THSD7A: variants seen among roughly 807,000 people sequenced by gnomAD.
THSD7A encodes thrombospondin type 1 domain containing 7A, also known as thrombospondin type-1 domain-containing protein 7A.
Under a neutral mutation model 231.3 loss-of-function variants are expected in THSD7A, and 96 were observed. That is an observed-to-expected ratio of 0.41 (90% CI 0.35 to 0.49). The LOEUF is 0.49. Among genes scored for constraint, THSD7A ranks in the 20% least tolerant of loss-of-function variants. THSD7A has a pLI of 0.05. For synonymous variants in THSD7A, 940 were observed against 743.3 expected (o/e 1.26, Z -4.30); for missense variants, 2,290 against 2,070.2 (o/e 1.11, Z -2.06).
intron 6 of THSD7A, among the ~76,000 whole-genome samples, chr7:11,489,298 G>C (rs564143248): frequency 1.3e-5 from 2 of 152,242 alleles, no homozygotes; most frequent in South Asian, 4.1e-4. Flanking sequence ...ACCTAACCAA[G>C]AAGGCCTTGA....
chr7:11,798,528 T>C (rs951388718), intron 1 of THSD7A, among the ~76,000 whole-genome samples: 1 of 150,962 alleles, frequency 6.6e-6, no homozygotes, highest in Non-Finnish European at 1.5e-5. Context: ...AATATGCAAA[T>C]AAAAATTGTA....
chr7:11,459,665 ATTTTTTT>A (rs34415355), intron 11 of THSD7A, among the ~76,000 whole-genome samples: 8 of 39,918 alleles, frequency 2.0e-4, no homozygotes, highest in Admixed American at 4.3e-4. Context: ...AAAACAGGGG[ATTTTTTT>A]TTTTTTTTTT....
chr7:11,451,182 A>G (rs1736219082), intron 11 of THSD7A, among the ~76,000 whole-genome samples: 2 of 152,026 alleles, frequency 1.3e-5, no homozygotes, highest in Admixed American at 6.6e-5. Flanking sequence ...AAAGGGAGCT[A>G]TAACTGTTGT....
intron 6 of THSD7A, among the ~76,000 whole-genome samples, chr7:11,502,194 T>G (rs1022476472): frequency 6.6e-6 from 1 of 152,124 alleles, no homozygotes; most frequent in African/African-American, 2.4e-5. Flanking sequence ...GATTCATAGG[T>G]GAATTCTACC....
intron 1 of THSD7A, among the ~76,000 whole-genome samples, chr7:11,733,273 A>T (rs2883590): frequency 0.73 from 110,853 of 151,620 alleles, 40,602 homozygotes; most frequent in South Asian, 0.79. Context: ...TATGTCAGTA[A>T]CAGCCCTGTT....
Position 11,370,896 on chromosome 7 carries a change from A to G in THSD7A, c.*4898T>C, listed in dbSNP as rs1782026822. 6.6e-6 allele frequency: 1 copy of G among 152,200 alleles called. No individual in the cohort carries two copies. Among genetic ancestry groups the G allele is most frequent in the Non-Finnish European group, 1.5e-5 (1 of 68,018 alleles). 9.4% of individuals were successfully genotyped at this position (152,200 alleles called of 1,614,324 possible). On this transcript the variant is annotated 3_prime_UTR_variant, in exon 28 of 28. Coordinates refer to ENST00000423059, the MANE Select transcript of THSD7A (RefSeq NM_015204.3). ...AAAGGAATCTAAATGTTTACTTTCT[A>G]AAAATAAACACAAACAGATTTCTGA... is the stretch of plus-strand genomic sequence containing the variant.
rs1176815793 is a variant in THSD7A at position 11,373,168 on chromosome 7, CTAATT to C, written c.*2621_*2625del. Reference sequence around the variant, plus strand: ...CATAACATTCTATAATTTTGATTTGCTAATTTAATTCTTATAGGTAGGATGATACT... The same window carrying C: ...CATAACATTCTATAATTTTGATTTGCTAATTCTTATAGGTAGGATGATACT... On this transcript the variant is annotated 3_prime_UTR_variant, in exon 28 of 28. Transcript: ENST00000423059. 2.6e-5 allele frequency: 4 copies of C among 151,636 alleles called. No homozygotes were observed. Among genetic ancestry groups the C allele is most frequent in the African/African-American group, 9.7e-5 (4 of 41,372 alleles). The allele number at this position is 151,636 out of a possible 1,614,324, so 9.4% of individuals were successfully genotyped here.
chr7:11,618,573 G>A (rs1781196109), intron 2 of THSD7A, among the ~76,000 whole-genome samples: 1 of 151,966 alleles, frequency 6.6e-6, no homozygotes, highest in Admixed American at 6.6e-5. Flanking sequence ...AGGCCGAGGC[G>A]GGCGGATCAC....
chr7:11,727,556 A>C (rs140524171), intron 1 of THSD7A, among the ~76,000 whole-genome samples: 95 of 152,110 alleles, frequency 6.2e-4, no homozygotes, highest in African/African-American at 2.0e-3. Context: ...CCAAAATGTT[A>C]AAATAATTGA....
At position 11,634,185 on chromosome 7, in the gene THSD7A, TA is replaced by T. The variant is rs1781753242; in HGVS notation, c.1022+1944del. Among the ~76,000 whole-genome samples, 1 of 152,172 alleles carries T rather than the reference TA, an allele frequency of 6.6e-6. No homozygotes were observed. The highest frequency in any genetic ancestry group is 2.4e-5 in the African/African-American group (1 of 41,438). On this transcript the variant is annotated intron_variant, in intron 2 of 27. Transcript: ENST00000423059. The surrounding 1 kb of genome is among the most constrained non-coding windows in gnomAD (Gnocchi z 4.1). ...ACATAAAGTTTAACCTATACTGTAA[TA>T]AGTCAGAAAATATATGCAACTATCA...
chr7:11,737,433 G>A (rs1000510194), intron 1 of THSD7A, among the ~76,000 whole-genome samples: 4 of 151,964 alleles, frequency 2.6e-5, no homozygotes, highest in Admixed American at 2.0e-4. Flanking sequence ...AGAAGACAGA[G>A]GACTATGCAA....
rs138823416 is a variant in THSD7A at position 11,724,463 on chromosome 7, A to T, written c.191-87502T>A. ...TGTACTGATTTTATTGCTTATAATC[A>T]GTCATACAGAATGTTACTGTGGATC... On this transcript the variant is annotated intron_variant, in intron 1 of 27. Coordinates refer to ENST00000423059, the MANE Select transcript of THSD7A (RefSeq NM_015204.3). 3.3e-5 allele frequency among the ~76,000 whole-genome samples: 5 copies of T among 152,042 alleles called. No individual in the cohort carries two copies. In the East Asian group the frequency reaches 9.8e-4, roughly 30 times the overall value.
intron 4 of THSD7A, among the ~76,000 whole-genome samples, chr7:11,573,948 T>G (rs1379003032): frequency 6.6e-6 from 1 of 152,222 alleles, no homozygotes; most frequent in African/African-American, 2.4e-5. Flanking sequence ...TTCAAGATCA[T>G]GGAGCTCCTA....
At chr7:11,669,498 C>T (rs1783287610) in intron 1 of THSD7A, among the ~76,000 whole-genome samples, 1 of 151,736 alleles carries the variant, frequency 6.6e-6, no homozygotes, top group African/African-American at 2.4e-5. Flanking sequence ...TTTAAGAGTG[C>T]ATAAAGTGTG....
chr7:11,663,738 G>A (rs1343432714), intron 1 of THSD7A, among the ~76,000 whole-genome samples: 2 of 151,508 alleles, frequency 1.3e-5, no homozygotes, highest in Non-Finnish European at 3.0e-5. Context: ...TGGTTTTAAT[G>A]TTTAAAAAGT....
chr7:11,737,976 C>T (rs545504599), intron 1 of THSD7A, among the ~76,000 whole-genome samples: 1 of 151,956 alleles, frequency 6.6e-6, no homozygotes, highest in Admixed American at 6.6e-5. Context: ...GCATGACTCT[C>T]TCATTATTCT....
intron 1 of THSD7A, among the ~76,000 whole-genome samples, chr7:11,674,346 G>T (rs116273833): frequency 2.8e-4 from 43 of 152,040 alleles, no homozygotes; most frequent in African/African-American, 9.9e-4. Context: ...GCCACTTCTC[G>T]CAGTTCTCCA....
At chr7:11,435,646 A>G (rs1784609739) in intron 13 of THSD7A, among the ~76,000 whole-genome samples, 1 of 152,094 alleles carries the variant, frequency 6.6e-6, no homozygotes, top group Non-Finnish European at 1.5e-5. Context: ...TGGATGCCTC[A>G]TGTTTCAGAT....
At chr7:11,746,060 A>T (rs1301870854) in intron 1 of THSD7A, among the ~76,000 whole-genome samples, 1 of 151,986 alleles carries the variant, frequency 6.6e-6, no homozygotes, top group Non-Finnish European at 1.5e-5. Flanking sequence ...TATGATATTG[A>T]TTCTTCCTAC....
Sources: gnomAD v4.1 joint callset for allele counts (sites outside exome capture counted in the v4.1 genomes callset) on GRCh38, gnomAD v4.1.1 for gene constraint, Gnocchi (gnomAD v3.1) non-coding constraint, MANE v1.5 for transcripts, NCBI Gene and HGNC (gene_info 2026-07-23, HGNC 2026-07-21) for gene names.